NXPE2: variants seen among roughly 807,000 people sequenced by gnomAD.
The protein encoded by NXPE2 is NXPE family member 2.
NXPE2 carries 34 observed loss-of-function variants against 34.4 expected under a neutral mutation model. That is an observed-to-expected ratio of 0.99 (90% CI 0.75 to 1.31). The LOEUF is 1.31. NXPE2 is among the 40% of genes most tolerant of loss of function. The probability of loss-of-function intolerance (pLI) is 0.00; values close to 1 mark genes in which losing one functional copy is unlikely to be tolerated. For missense variants in NXPE2, 649 were observed against 672.5 expected (o/e 0.97, Z 0.39); for synonymous variants, 235 against 231.3 (o/e 1.02, Z -0.15).
chr11:114,605,984 C>T, the NXPE2 span, among the ~76,000 whole-genome samples: 1 of 151,418 alleles, frequency 6.6e-6, no homozygotes, highest in Admixed American at 6.6e-5. Context: ...ACCATTGTTA[C>T]CAGGTGGATA....
At chr11:114,663,299 T>C in the NXPE2 span, among the ~76,000 whole-genome samples, 1 of 152,172 alleles carries the variant, frequency 6.6e-6, no homozygotes, top group Non-Finnish European at 1.5e-5. Context: ...TTAATATCCA[T>C]TGTAGCCTCA....
At chr11:114,541,238 A>C in the NXPE2 span, among the ~76,000 whole-genome samples, 28 of 152,288 alleles carry the variant, frequency 1.8e-4, no homozygotes, top group African/African-American at 6.7e-4. Flanking sequence ...ATTACTCAGC[A>C]TAGGAGGAAC....
chr11:114,532,145 G>A, the NXPE2 span, among the ~76,000 whole-genome samples: 1 of 152,102 alleles, frequency 6.6e-6, no homozygotes, highest in Admixed American at 6.6e-5. Context: ...CCCAGCATTG[G>A]GCAATAAAAC....
At chr11:114,487,500 CCTTTTATTTGTTT>C in the NXPE2 span, among the ~76,000 whole-genome samples, 1 of 152,020 alleles carries the variant, frequency 6.6e-6, no homozygotes, top group East Asian at 1.9e-4. Flanking sequence ...AGTTTGGATG[CCTTTTATTTGTTT>C]CTCTTGTCTG....
chr11:114,788,701 C>T, the NXPE2 span, among the ~76,000 whole-genome samples: 1 of 152,236 alleles, frequency 6.6e-6, no homozygotes, highest in African/African-American at 2.4e-5. Flanking sequence ...GATGCCTCTG[C>T]AGGCTCTGGT....
At chr11:114,629,018 T>G in the NXPE2 span, among the ~76,000 whole-genome samples, 1 of 152,002 alleles carries the variant, frequency 6.6e-6, no homozygotes, top group African/African-American at 2.4e-5. Context: ...TCTGAAATTG[T>G]GGCAATAATC....
chr11:114,665,754 T>C, the NXPE2 span, among the ~76,000 whole-genome samples: 2 of 152,134 alleles, frequency 1.3e-5, no homozygotes, highest in African/African-American at 4.8e-5. Flanking sequence ...TCCAGGGACT[T>C]GGAGAAGGGC....
At chr11:114,800,361 T>C in the NXPE2 span, among the ~76,000 whole-genome samples, 2 of 152,372 alleles carry the variant, frequency 1.3e-5, no homozygotes, top group African/African-American at 4.8e-5. Flanking sequence ...CTTGAGCAGA[T>C]ATTTTTGTTT....
At chr11:114,496,643 A>G in the NXPE2 span, among the ~76,000 whole-genome samples, 1 of 152,138 alleles carries the variant, frequency 6.6e-6, no homozygotes, top group Non-Finnish European at 1.5e-5. Context: ...GTTGTTATAT[A>G]TAATTGGTTC....
the NXPE2 span, among the ~76,000 whole-genome samples, chr11:114,625,072 C>T: frequency 1.3e-5 from 2 of 151,974 alleles, no homozygotes; most frequent in African/African-American, 2.4e-5. Context: ...AATATTGCCC[C>T]GTGGGTAACC....
the NXPE2 span, among the ~76,000 whole-genome samples, chr11:114,561,708 T>A: frequency 6.6e-6 from 1 of 152,216 alleles, no homozygotes; most frequent in Non-Finnish European, 1.5e-5. Context: ...TAATTGTGAA[T>A]CTTTGTAGCA....
At chr11:114,525,112 G>A in the NXPE2 span, among the ~76,000 whole-genome samples, 1 of 151,846 alleles carries the variant, frequency 6.6e-6, no homozygotes, top group East Asian at 1.9e-4. Flanking sequence ...GGGTAATGGT[G>A]TGGAGATCCA....
chr11:114,625,527 A>G, the NXPE2 span, among the ~76,000 whole-genome samples: 1 of 151,560 alleles, frequency 6.6e-6, no homozygotes, highest in Non-Finnish European at 1.5e-5. Context: ...GATAATAAGT[A>G]TTGCCTCATG....
the NXPE2 span, among the ~76,000 whole-genome samples, chr11:114,716,925 C>T: frequency 0.1 from 15,698 of 152,142 alleles, 2,710 homozygotes; most frequent in African/African-American, 0.35. Flanking sequence ...TGCTAGTTTA[C>T]AGCAGGGGTC....
chr11:114,681,321 T>A (rs1021096424), intron 2 of NXPE2, among the ~76,000 whole-genome samples: 12 of 152,222 alleles, frequency 7.9e-5, no homozygotes, highest in African/African-American at 2.9e-4. Context: ...ATACAGGATA[T>A]CATGTTTGTG....
chr11:114,480,306 A>G, the NXPE2 span, among the ~76,000 whole-genome samples: 1 of 152,210 alleles, frequency 6.6e-6, no homozygotes, highest in Non-Finnish European at 1.5e-5. Flanking sequence ...GGAAGATGGA[A>G]GGAAAACTAT....
At chr11:114,805,370 G>A in the NXPE2 span, among the ~76,000 whole-genome samples, 94 of 152,254 alleles carry the variant, frequency 6.2e-4, no homozygotes, top group African/African-American at 1.4e-3. Flanking sequence ...CACCATGCAC[G>A]AGCCGAAGCA....
At chr11:114,677,971 T>A (rs1950877208), upstream of NXPE2, among the ~76,000 whole-genome samples, 3 of 152,080 alleles carry the variant, frequency 2.0e-5, no homozygotes, top group African/African-American at 7.2e-5. Context: ...TGTTACATAT[T>A]CAAGTTGCAG....
the NXPE2 span, among the ~76,000 whole-genome samples, chr11:114,715,918 T>G: frequency 6.6e-6 from 1 of 152,176 alleles, no homozygotes; most frequent in Non-Finnish European, 1.5e-5. Context: ...AAAACCTGCA[T>G]TTCCACATCT....
Sources: allele counts gnomAD v4.1 joint callset (sites outside exome capture counted in the v4.1 genomes callset), GRCh38; gene constraint gnomAD v4.1.1; transcripts MANE v1.5; gene names NCBI Gene and HGNC (gene_info 2026-07-23, HGNC 2026-07-21).